Variants in ACER3 observed in about 807,000 individuals in gnomAD.
ACER3 encodes the protein alkCDase 3.
A neutral mutation model predicts 48.9 loss-of-function variants in ACER3; 16 were observed. The ratio of observed to expected loss-of-function variants is 0.33; its 90% CI spans 0.22 to 0.50. The LOEUF (loss-of-function observed/expected upper bound fraction) is 0.50. ACER3 is among the 20% of genes least tolerant of loss of function. ACER3 has a pLI of 0.98. For missense variants in ACER3, 227 were observed against 326.0 expected (o/e 0.70, Z 2.34); for synonymous variants, 109 against 107.8 (o/e 1.01, Z -0.07).
At chr11:77,007,981 T>C (rs1949188083) in intron 7 of ACER3, among the ~76,000 whole-genome samples, 2 of 152,258 alleles carry the variant, frequency 1.3e-5, no homozygotes, top group South Asian at 2.1e-4. Flanking sequence ...ATTAGCTTGA[T>C]TTAATCATTC....
chr11:76,974,127 G>T (rs1183677699), intron 3 of ACER3, among the ~76,000 whole-genome samples: 1 of 152,134 alleles, frequency 6.6e-6, no homozygotes, highest in African/African-American at 2.4e-5. Flanking sequence ...CTGTACATTT[G>T]TAGTAAGTCT....
At chr11:76,872,604 T>C (rs1321988381) in intron 1 of ACER3, among the ~76,000 whole-genome samples, 1 of 152,222 alleles carries the variant, frequency 6.6e-6, no homozygotes, top group Non-Finnish European at 1.5e-5. Flanking sequence ...TTTAGTAGTT[T>C]CTCAGTCTGG....
At position 77,019,846 on chromosome 11, in the gene ACER3, A is replaced by G. The variant is rs569179340; in HGVS notation, c.750+70A>G. On this transcript the variant is annotated intron_variant, in intron 10 of 10. Coordinates refer to ENST00000532485, the MANE Select transcript of ACER3 (RefSeq NM_018367.7). Reference sequence around the variant, plus strand: ...ACTGGGAGTATAGGATGGAGGTGGAAGAAGAAAGGGGAGTTTGGAGAGGTA... The same window carrying G: ...ACTGGGAGTATAGGATGGAGGTGGAGGAAGAAAGGGGAGTTTGGAGAGGTA... The G allele has an allele frequency of 1.3e-4, 190 of 1,517,628 alleles. 2 individuals carry two copies. The Admixed American group carries it at 3.2e-3, about 25-fold the overall frequency. 94.0% of individuals were successfully genotyped at this position (1,517,628 alleles called of 1,614,324 possible).
intron 3 of ACER3, among the ~76,000 whole-genome samples, chr11:76,973,471 G>C (rs964479124): frequency 6.6e-6 from 1 of 152,064 alleles, no homozygotes; most frequent in Non-Finnish European, 1.5e-5. Context: ...TCATGATCTT[G>C]GTCCTCAAAG....
chr11:76,968,596 T>A (rs935035289), intron 3 of ACER3, among the ~76,000 whole-genome samples: 10 of 152,128 alleles, frequency 6.6e-5, no homozygotes, highest in Non-Finnish European at 1.2e-4. Flanking sequence ...AAAACAGAGA[T>A]ATAGACCAAT....
chr11:76,921,823 G>A (rs753801248), intron 1 of ACER3, among the ~76,000 whole-genome samples: 16 of 152,078 alleles, frequency 1.1e-4, no homozygotes, highest in African/African-American at 7.2e-5. Context: ...CTGCAGTTAC[G>A]TGTTCAGATT....
chr11:76,938,220 G>T (rs1412941976), intron 2 of ACER3, among the ~76,000 whole-genome samples: 1 of 152,164 alleles, frequency 6.6e-6, no homozygotes, highest in Non-Finnish European at 1.5e-5. Context: ...TCACCATGTT[G>T]CCCAGGCTGG....
chr11:76,885,020 T>C (rs560575248), intron 1 of ACER3, among the ~76,000 whole-genome samples: 1 of 152,306 alleles, frequency 6.6e-6, no homozygotes, highest in East Asian at 1.9e-4. Flanking sequence ...CCACCTGCCT[T>C]GGCCTCCCAA....
chr11:77,007,947 A>G (rs1555021372), intron 7 of ACER3, among the ~76,000 whole-genome samples: 2 of 152,260 alleles, frequency 1.3e-5, no homozygotes, highest in African/African-American at 2.4e-5. Flanking sequence ...TCTCACCACA[A>G]AAAAATAAGT....
chr11:76,878,995 C>A (rs537994627), intron 1 of ACER3, among the ~76,000 whole-genome samples: 2 of 152,006 alleles, frequency 1.3e-5, no homozygotes, highest in Admixed American at 1.3e-4. Context: ...AATCTTTTGC[C>A]CATTTAAAAA....
chr11:76,976,481 A>G (rs1416663776), intron 4 of ACER3, 140 bp downstream of exon 4: 10 of 541,810 alleles, frequency 1.8e-5, no homozygotes, highest in Non-Finnish European at 2.8e-5. Flanking sequence ...ATATCAATAT[A>G]GAGTATAATT....
At chr11:76,887,128 T>C (rs1227538805) in intron 1 of ACER3, among the ~76,000 whole-genome samples, 3 of 152,106 alleles carry the variant, frequency 2.0e-5, no homozygotes, top group African/African-American at 4.8e-5. Context: ...ATTAGCTGGG[T>C]GCATGCCTGT....
intron 7 of ACER3, among the ~76,000 whole-genome samples, chr11:77,002,805 C>T (rs1555020132): frequency 6.6e-6 from 1 of 152,124 alleles, no homozygotes; most frequent in East Asian, 1.9e-4. Context: ...AACAGGGATG[C>T]ACCTATAAGA....
intron 7 of ACER3, among the ~76,000 whole-genome samples, chr11:77,012,324 A>T (rs781917281): frequency 2.0e-5 from 3 of 148,716 alleles, no homozygotes; most frequent in Non-Finnish European, 4.5e-5. Context: ...AGGCTGAGGC[A>T]GGAGAATCAC....
intron 2 of ACER3, among the ~76,000 whole-genome samples, chr11:76,954,990 T>C (rs1947797748): frequency 6.6e-6 from 1 of 152,186 alleles, no homozygotes. Flanking sequence ...TGGAAATGCT[T>C]GGAGTATTAA....
chr11:76,973,315 C>T (rs186546208), intron 3 of ACER3, among the ~76,000 whole-genome samples: 3 of 152,182 alleles, frequency 2.0e-5, no homozygotes, highest in Non-Finnish European at 4.4e-5. Flanking sequence ...GAGATACCCC[C>T]CTGTGCCCCA....
At chr11:76,935,350 C>A (rs1009976311) in intron 2 of ACER3, among the ~76,000 whole-genome samples, 4 of 151,938 alleles carry the variant, frequency 2.6e-5, no homozygotes, top group African/African-American at 9.7e-5. Context: ...AGACAACTTT[C>A]TAGAAATGAA....
chr11:76,894,937 A>G (rs1400977852), intron 1 of ACER3, among the ~76,000 whole-genome samples: 3 of 152,300 alleles, frequency 2.0e-5, no homozygotes, highest in African/African-American at 7.2e-5. Context: ...TGTCTGATAA[A>G]TTTTGGCTTC....
intron 1 of ACER3, among the ~76,000 whole-genome samples, chr11:76,883,480 G>A (rs1218370361): frequency 8.1e-6 from 1 of 123,648 alleles, no homozygotes; most frequent in African/African-American, 3.0e-5. Context: ...TCACTCTGTC[G>A]CCCAGGCTGG....
Sources: gnomAD v4.1 joint callset for allele counts (sites outside exome capture counted in the v4.1 genomes callset) on GRCh38, gnomAD v4.1.1 for gene constraint, MANE v1.5 for transcripts, NCBI Gene and HGNC (gene_info 2026-07-23, HGNC 2026-07-21) for gene names.